TCERG1L: variants seen among roughly 807,000 people sequenced by gnomAD.
TCERG1L encodes the protein transcription elongation regulator 1 like, also known as transcription elongation regulator 1-like protein.
In TCERG1L, 37 loss-of-function variants were observed where a neutral mutation model predicts 56.3. The observed-to-expected ratio is 0.66, with a 90% CI of 0.51 to 0.87. TCERG1L has a LOEUF of 0.87. TCERG1L is among the 40% of genes least tolerant of loss of function. The probability of loss-of-function intolerance (pLI) is 0.00; values close to 1 mark genes in which losing one functional copy is unlikely to be tolerated. For missense variants in TCERG1L, 799 were observed against 774.2 expected, an observed-to-expected ratio of 1.03 and a Z score of -0.38; for synonymous variants, 324 against 326.3, an observed-to-expected ratio of 0.99 and a Z score of 0.08.
intron 4 of TCERG1L, among the ~76,000 whole-genome samples, chr10:131,171,144 C>CAAACAA (rs151263531): frequency 7.2e-5 from 10 of 138,266 alleles, no homozygotes; most frequent in African/African-American, 1.7e-4. Context: ...GGCTCCATCT[C>CAAACAA]AAACAAAAAC....
In TCERG1L at chr10:131,181,734, G is replaced by A. The variant is rs1036490610; in HGVS notation, c.857-14849C>T. Among the ~76,000 whole-genome samples, 5 of 152,188 alleles carry A rather than the reference G, an allele frequency of 3.3e-5. No homozygotes were observed. In the East Asian group the frequency reaches 5.8e-4, roughly 18 times the overall value. On this transcript the variant is annotated intron_variant, in intron 4 of 11. Transcript: ENST00000368642. ...GGAGAGGCTCTCCGTGTCCCCCCTC[G>A]CCTCCTGAGCACACTCAGCTCCTCT...
At chr10:131,193,144 TTA>T (rs1845321318) in intron 4 of TCERG1L, among the ~76,000 whole-genome samples, 1 of 152,234 alleles carries the variant, frequency 6.6e-6, no homozygotes, top group Non-Finnish European at 1.5e-5. Flanking sequence ...TGTTGGTTTT[TTA>T]TATGTCTCCT....
At chr10:131,299,423 A>G (rs1846734415) in intron 3 of TCERG1L, among the ~76,000 whole-genome samples, 1 of 150,750 alleles carries the variant, frequency 6.6e-6, no homozygotes, top group East Asian at 1.9e-4. Flanking sequence ...TAATCTCCAT[A>G]ATTATTTTAC....
rs114234464 is a variant in TCERG1L, at chr10:131,279,967, G to A, written c.671-19523C>T. On this transcript the variant is annotated intron_variant, in intron 3 of 11. Transcript: ENST00000368642. The stretch of plus-strand genomic sequence containing the variant: ...TCCATGTGGAATGCGACCCAGCAGA[G>A]CCAGCCTACACCCTTTCGTGAGCCC... Among the ~76,000 whole-genome samples the A allele has an allele frequency of 7.8e-3, 1,184 of 152,228 alleles. 21 individuals are homozygous for A. The highest frequency in any genetic ancestry group is 0.027 in the African/African-American group (1,105 of 41,542).
chr10:131,114,251 A>G (rs11017731), intron 9 of TCERG1L, among the ~76,000 whole-genome samples: 60,624 of 141,268 alleles, frequency 0.43, 18,622 homozygotes, highest in South Asian at 0.57. Context: ...ACCTTTCTAT[A>G]CCTCATTGTT....
At chr10:131,216,102 T>C (rs1020145408) in intron 4 of TCERG1L, among the ~76,000 whole-genome samples, 8 of 152,118 alleles carry the variant, frequency 5.3e-5, no homozygotes, top group Non-Finnish European at 1.2e-4. Flanking sequence ...TGGAAGATAA[T>C]CGATTAAATA....
At chr10:131,122,339 C>A (rs928937357) in intron 8 of TCERG1L, among the ~76,000 whole-genome samples, 7 of 152,170 alleles carry the variant, frequency 4.6e-5, no homozygotes, top group African/African-American at 1.7e-4. Context: ...GAAACACCAG[C>A]CCTGAAGATT....
chr10:131,159,423 T>C (rs1322703338), intron 6 of TCERG1L, among the ~76,000 whole-genome samples: 12 of 152,170 alleles, frequency 7.9e-5, no homozygotes, highest in Admixed American at 7.9e-4. Flanking sequence ...CCCCCTGTGG[T>C]CTTCTTAGAA....
At chr10:131,183,939 T>C (rs1211743380) in intron 4 of TCERG1L, among the ~76,000 whole-genome samples, 1 of 152,236 alleles carries the variant, frequency 6.6e-6, no homozygotes, top group Non-Finnish European at 1.5e-5. Context: ...GGGACTCGAC[T>C]CACCTCCTCT....
intron 4 of TCERG1L, among the ~76,000 whole-genome samples, chr10:131,178,364 G>C (rs1845132069): frequency 6.6e-6 from 1 of 152,332 alleles, no homozygotes; most frequent in Non-Finnish European, 1.5e-5. Context: ...AATGTCTCTT[G>C]TTCCTCTCAG....
In TCERG1L at chr10:131,227,692, C is replaced by T. The variant is rs114045460; in HGVS notation, c.856+32567G>A. ...TCCATCAGGCGAGCCAGCTGCCCCA[C>T]TGAAAAGATGAATGAGTTACGGACA... On this transcript the variant is annotated intron_variant, in intron 4 of 11. Coordinates refer to ENST00000368642, the MANE Select transcript of TCERG1L (RefSeq NM_174937.4). Among the ~76,000 whole-genome samples the T allele has an allele frequency of 5.3e-3, 812 of 152,280 alleles. 7 individuals are homozygous for T. The highest frequency in any genetic ancestry group is 0.019 in the African/African-American group (774 of 41,560).
At chr10:131,237,137 G>A (rs557555698) in intron 4 of TCERG1L, among the ~76,000 whole-genome samples, 2 of 151,998 alleles carry the variant, frequency 1.3e-5, no homozygotes, top group East Asian at 1.9e-4. Context: ...CACTCCTGAC[G>A]GAGGCTTTCT....
At chr10:131,202,262 G>A (rs1020352190) in intron 4 of TCERG1L, among the ~76,000 whole-genome samples, 9 of 152,188 alleles carry the variant, frequency 5.9e-5, no homozygotes, top group African/African-American at 1.2e-4. Context: ...TGTCTGCACC[G>A]TGGGGTACCA....
intron 3 of TCERG1L, among the ~76,000 whole-genome samples, chr10:131,296,473 A>G (rs1425764611): frequency 6.6e-6 from 1 of 152,100 alleles, no homozygotes; most frequent in Non-Finnish European, 1.5e-5. Flanking sequence ...ACGATGTTCT[A>G]TTGGTCTTTA....
chr10:131,169,404 C>T (rs1208516670), intron 4 of TCERG1L, among the ~76,000 whole-genome samples: 2 of 152,198 alleles, frequency 1.3e-5, no homozygotes, highest in African/African-American at 2.4e-5. Flanking sequence ...GCTGAGCCCA[C>T]CGTTCCCCTG....
At chr10:131,134,700 C>T (rs1845655371) in intron 7 of TCERG1L, among the ~76,000 whole-genome samples, 1 of 152,134 alleles carries the variant, frequency 6.6e-6, no homozygotes, top group South Asian at 2.1e-4. Flanking sequence ...AGGTGCTGGG[C>T]CTTCCAGAGG....
chr10:131,211,386 A>AT (rs1173096040), intron 4 of TCERG1L, among the ~76,000 whole-genome samples: 1 of 152,146 alleles, frequency 6.6e-6, no homozygotes, highest in Admixed American at 6.5e-5. Context: ...TCCCTGCCAG[A>AT]TTTTTCCATG....
At chr10:131,217,387 C>G (rs1484058050) in intron 4 of TCERG1L, among the ~76,000 whole-genome samples, 2 of 152,154 alleles carry the variant, frequency 1.3e-5, no homozygotes, top group African/African-American at 4.8e-5. Flanking sequence ...TCGGCACAGC[C>G]TGCAGAATAG....
In TCERG1L at chr10:131,191,781, C is replaced by T. The variant is rs1252328264; in HGVS notation, c.857-24896G>A. Among the ~76,000 whole-genome samples the T allele has an allele frequency of 1.5e-4, 18 of 121,426 alleles. 1 individual carries two copies. In the East Asian group the frequency reaches 3.4e-3, roughly 23 times the overall value. The allele number at this position is 121,426 out of a possible 152,430, so 79.7% of individuals were successfully genotyped here. A position where few individuals can be genotyped will look rare whatever the true frequency, so the allele number is the denominator to read the frequency against. On this transcript the variant is annotated intron_variant, in intron 4 of 11. Transcript: ENST00000368642. ...TCGGGAGGCTGAGGCAGGAGAATAG[C>T]GTGAACCCTGGAGGCAGAGCTTGCA...
Sources: gnomAD v4.1 joint callset for allele counts (sites outside exome capture counted in the v4.1 genomes callset) on GRCh38, gnomAD v4.1.1 for gene constraint, MANE v1.5 for transcripts, NCBI Gene and HGNC (gene_info 2026-07-23, HGNC 2026-07-21) for gene names.